EZH1: variants seen among roughly 807,000 people sequenced by gnomAD.
EZH1 encodes the protein histone-lysine N-methyltransferase EZH1.
A neutral mutation model predicts 100.5 loss-of-function variants in EZH1; 33 were observed. That is an observed-to-expected ratio of 0.33 (90% CI 0.25 to 0.44). The LOEUF is 0.44. Ranked by LOEUF, EZH1 falls within the 20% of genes least tolerant of loss-of-function variation. The probability of loss-of-function intolerance (pLI) is 1.00; values close to 1 mark genes in which losing one functional copy is unlikely to be tolerated. For missense variants in EZH1, 475 were observed against 928.4 expected, an observed-to-expected ratio of 0.51 and a Z score of 6.35; for synonymous variants, 272 against 313.8, an observed-to-expected ratio of 0.87 and a Z score of 1.41.
At position 42,708,098 on chromosome 17, in the gene EZH1, AGAG is replaced by A; in HGVS notation, c.1535-18_1535-16del. On this transcript the variant is annotated splice_polypyrimidine_tract_variant and intron_variant, in intron 14 of 20. Transcript: ENST00000428826. ...GGAAGAGTTATCTAGGAAAGAAAAC[AGAG>A]GAGGATGCTGCTGTGACCATACTCT... The A allele has an allele frequency of 1.3e-6, 2 of 1,591,378 alleles. No homozygotes were observed. Among genetic ancestry groups the A allele is most frequent in the South Asian group, 2.3e-5 (2 of 88,438 alleles).
At chr17:42,723,769 C>A (rs756003108) in intron 5 of EZH1, among the ~76,000 whole-genome samples, 2 of 152,198 alleles carry the variant, frequency 1.3e-5, no homozygotes, top group East Asian at 3.8e-4. Context: ...AGTAGTACGG[C>A]TATCTGTCAC....
intron 1 of EZH1, among the ~76,000 whole-genome samples, chr17:42,733,842 G>A (rs2054007576): frequency 6.7e-6 from 1 of 148,940 alleles, no homozygotes; most frequent in Non-Finnish European, 1.5e-5. Context: ...TTGGGAGGCT[G>A]AGGCAGAAGA....
In EZH1 at chr17:42,706,166, G is replaced by A; in HGVS notation, c.1680C>T (p.Gly560=). ...TATTGCACTGGGTCTTACAGCGACA[G>A]CCAGGGAAACGATTCTGACCTGGGA... ...CNPDCQNRFP[G]CRCKTQCNTK... is the part of the protein sequence containing the mutation. The change falls in exon 16 of 21, where the codon GGC becomes GGT. Residue 560 remains glycine (G), a synonymous_variant. Transcript: ENST00000428826. The surrounding 1 kb of genome is among the most constrained non-coding windows in gnomAD (Gnocchi z 4.4). 6 of 1,610,700 alleles carry A rather than the reference G, an allele frequency of 3.7e-6. No individual in the cohort carries two copies. Among genetic ancestry groups the A allele is most frequent in the Non-Finnish European group, 4.2e-6 (5 of 1,178,010 alleles).
chr17:42,718,512 C>T lies in EZH1; in HGVS notation c.873G>A (p.Leu291=), dbSNP rs376648733. Residue 291 remains leucine (L), a synonymous_variant, in exon 9 of 21, where the codon CTG becomes CTA. Coordinates refer to ENST00000428826, the MANE Select transcript of EZH1 (RefSeq NM_001991.5). The surrounding 1 kb of genome is among the most constrained non-coding windows in gnomAD (Gnocchi z 4.2). ...NAKSVQREQS[L]HSFHTLFCRR... The stretch of plus-strand genomic sequence containing the variant: ...GGCAAAAAAGTGTGTGGAAGGAGTG[C>T]AGAGATTGCTCCCGCTGCACAGACT... 1.9e-6 allele frequency: 3 copies of T among 1,614,062 alleles called. No homozygotes were observed. The African/African-American group carries it at 4.0e-5, about 22-fold the overall frequency.
chr17:42,739,823 G>A lies in EZH1; in HGVS notation c.-103+5188C>T, dbSNP rs577710362. 5.3e-5 allele frequency among the ~76,000 whole-genome samples: 8 copies of A among 150,056 alleles called. No individual in the cohort carries two copies. In the South Asian group the frequency reaches 1.3e-3, roughly 24 times the overall value. On this transcript the variant is annotated intron_variant, in intron 1 of 20. Coordinates refer to ENST00000428826, the MANE Select transcript of EZH1 (RefSeq NM_001991.5). ...TTTTGAGACAGAGTCTCGCGCTGTC[G>A]CCCAGGCTGGAGTGCAGTGGCGCGA...
chr17:42,716,360 A>T (rs2053604597), intron 10 of EZH1, among the ~76,000 whole-genome samples: 4 of 152,230 alleles, frequency 2.6e-5, no homozygotes, highest in African/African-American at 7.2e-5. Context: ...TTATGGAGAA[A>T]GGAGATACAG....
chr17:42,726,622 C>T (rs2053826468), intron 4 of EZH1, among the ~76,000 whole-genome samples: 1 of 151,926 alleles, frequency 6.6e-6, no homozygotes, highest in African/African-American at 2.4e-5. Flanking sequence ...AGCAATTCTC[C>T]TGCCTCAGCC....
rs145791735 is a variant in EZH1 at position 42,724,939 on chromosome 17, C to T, written c.247-515G>A. ...ATCCCAGCACTTTGGGAGACCGAGG[C>T]GGGTGGATCATGAAGTCAGGAGATC... On this transcript the variant is annotated intron_variant, in intron 4 of 20. Transcript: ENST00000428826. 5.6e-3 allele frequency among the ~76,000 whole-genome samples: 857 copies of T among 152,114 alleles called. 36 individuals are homozygous for T. The South Asian group carries it at 0.097, about 17-fold the overall frequency.
rs1204589420 is a variant in EZH1 at position 42,718,756 on chromosome 17, A to G, written c.768-139T>C. On this transcript the variant is annotated intron_variant, in intron 8 of 20. Coordinates refer to ENST00000428826, the MANE Select transcript of EZH1 (RefSeq NM_001991.5). This position sits in a 1 kb window ranked among gnomAD's most constrained non-coding sequence, Gnocchi z 4.2. Reference sequence around the variant, plus strand: ...TTTTATAGGTCTGGTTGATAAGAGAATGGTAGATAACTAGAGTGGGTCCAC... The same window carrying G: ...TTTTATAGGTCTGGTTGATAAGAGAGTGGTAGATAACTAGAGTGGGTCCAC... 2 of 809,642 alleles carry G rather than the reference A, an allele frequency of 2.5e-6. No individual in the cohort carries two copies. The highest frequency in any genetic ancestry group is 3.8e-6 in the Non-Finnish European group (2 of 519,644). 50.2% of individuals were successfully genotyped at this position (809,642 alleles called of 1,614,324 possible).
rs564369056 is a variant in EZH1 at position 42,711,310 on chromosome 17, T to A, written c.1401+979A>T. ...CCAACATGGTGAAACCCCGTCTCTA[T>A]TACAAATACAAAATTAGCCGGGCGT... On this transcript the variant is annotated intron_variant, in intron 12 of 20. Transcript: ENST00000428826. Among the ~76,000 whole-genome samples, 385 of 152,062 alleles carry A rather than the reference T, an allele frequency of 2.5e-3. 3 individuals are homozygous for A. Among genetic ancestry groups the A allele is most frequent in the African/African-American group, 8.8e-3 (367 of 41,498 alleles).
At chr17:42,705,243 T>G in intron 16 of EZH1, 60 bp from the exon 17 acceptor site, 1 of 883,214 alleles carries the variant, frequency 1.1e-6, no homozygotes. Flanking sequence ...GGGTGTGTGC[T>G]GGATGTGCAC....
intron 4 of EZH1, 89 bp downstream of exon 4, chr17:42,727,546 C>T (rs771441465): frequency 9.7e-5 from 143 of 1,473,354 alleles, no homozygotes; most frequent in Non-Finnish European, 1.3e-4. Flanking sequence ...CCTTGTCTTA[C>T]TTATTCACTT....
rs2053556460 is a variant in EZH1, at chr17:42,714,668, A to T, written c.1024-1279T>A. The T allele has an allele frequency of 1.2e-5, 3 of 258,926 alleles. No homozygotes were observed. The South Asian group carries it at 1.2e-4, about 11-fold the overall frequency. 16.0% of individuals were successfully genotyped at this position (258,926 alleles called of 1,614,324 possible). On this transcript the variant is annotated intron_variant, in intron 10 of 20. Coordinates refer to ENST00000428826, the MANE Select transcript of EZH1 (RefSeq NM_001991.5). ...ATTTAAAAATGAAGTTTTTTTGAGT[A>T]ATAAAAATGAAAAAAAAATAAAGGT...
chr17:42,735,625 A>G (rs562957717), intron 1 of EZH1, among the ~76,000 whole-genome samples: 1 of 152,290 alleles, frequency 6.6e-6, no homozygotes, highest in South Asian at 2.1e-4. Flanking sequence ...TGCTGTTTTG[A>G]TCAAGAAATT....
chr17:42,743,937 A>G (rs895644662), intron 1 of EZH1, among the ~76,000 whole-genome samples: 2 of 152,144 alleles, frequency 1.3e-5, no homozygotes, highest in African/African-American at 4.8e-5. Context: ...CTAAATTTAA[A>G]AAACATGGGG....
chr17:42,728,804 C>T, intron 3 of EZH1, 21 bp downstream of exon 3: 1 of 1,607,142 alleles, frequency 6.2e-7, no homozygotes, highest in African/African-American at 1.3e-5. Flanking sequence ...TATAAACTTT[C>T]ACTTGGGAAT....
At chr17:42,735,806 T>C (rs987693976) in intron 1 of EZH1, among the ~76,000 whole-genome samples, 2 of 152,102 alleles carry the variant, frequency 1.3e-5, no homozygotes, top group South Asian at 2.1e-4. Context: ...ACCAACATTG[T>C]GAAACCCCAT....
intron 10 of EZH1, among the ~76,000 whole-genome samples, chr17:42,716,847 C>T (rs888733531): frequency 1.1e-4 from 17 of 152,152 alleles, no homozygotes; most frequent in African/African-American, 2.2e-4. Context: ...TACAGGCGTG[C>T]GCCACCACAC....
intron 12 of EZH1, among the ~76,000 whole-genome samples, chr17:42,710,196 A>T (rs2053448182): frequency 6.6e-6 from 1 of 151,902 alleles, no homozygotes; most frequent in African/African-American, 2.4e-5. Flanking sequence ...GTCACCTACT[A>T]CTCTTTCTAC....
Sources: allele counts gnomAD v4.1 joint callset (sites outside exome capture counted in the v4.1 genomes callset), GRCh38; gene constraint gnomAD v4.1.1; non-coding constraint Gnocchi (gnomAD v3.1); transcripts MANE v1.5; gene names NCBI Gene and HGNC (gene_info 2026-07-23, HGNC 2026-07-21).